The following SLC39A12 variants were observed in gnomAD, a reference collection of about 807,000 sequenced individuals.
The protein encoded by SLC39A12 is solute carrier family 39 member 12.
Under a neutral mutation model 71.1 loss-of-function variants are expected in SLC39A12, and 63 were observed. That is an observed-to-expected ratio of 0.89 (90% confidence interval 0.72 to 1.09). The LOEUF is 1.09. Ranked by LOEUF, SLC39A12 falls within the 50% of genes least tolerant of loss-of-function variation. The probability of loss-of-function intolerance (pLI) is 0.00; values close to 1 mark genes in which losing one functional copy is unlikely to be tolerated. For synonymous variants in SLC39A12, 351 were observed against 301.3 expected (o/e 1.16, Z -1.71); for missense variants, 892 against 812.6 (o/e 1.10, Z -1.19).
At chr10:17,967,851 T>C (rs142870654) in intron 4 of SLC39A12, among the ~76,000 whole-genome samples, 2,049 of 149,548 alleles carry the variant, frequency 0.014, 41 homozygotes, top group African/African-American at 0.044. Context: ...CCCGCCACTG[T>C]ACTCCAGCCT....
At chr10:17,956,525 G>A (rs974726100) in intron 2 of SLC39A12, among the ~76,000 whole-genome samples, 2 of 152,180 alleles carry the variant, frequency 1.3e-5, no homozygotes, top group Non-Finnish European at 2.9e-5. Context: ...CAGAAAGTCA[G>A]ATATAGGAGC....
intron 12 of SLC39A12, among the ~76,000 whole-genome samples, chr10:18,026,257 C>G (rs1015309003): frequency 6.6e-6 from 1 of 151,976 alleles, no homozygotes. Context: ...AAACAAATTC[C>G]CTCTATTTTT....
At chr10:18,007,079 A>G (rs1225294686) in intron 12 of SLC39A12, 1 of 152,280 alleles carries the variant, frequency 6.6e-6, no homozygotes, top group Non-Finnish European at 1.5e-5. Context: ...TAGCCAGCCA[A>G]AATACCACAA....
chr10:18,019,853 G>T (rs1405451846), intron 12 of SLC39A12, among the ~76,000 whole-genome samples: 3 of 152,032 alleles, frequency 2.0e-5, no homozygotes, highest in African/African-American at 7.2e-5. Context: ...TGTTCCACGT[G>T]AGCTGGGGAA....
At chr10:17,970,817 A>G (rs764682359) in intron 4 of SLC39A12, among the ~76,000 whole-genome samples, 9 of 151,942 alleles carry the variant, frequency 5.9e-5, no homozygotes, top group Non-Finnish European at 1.2e-4. Context: ...TGATTGCTGT[A>G]GCTAGGATGT....
intron 3 of SLC39A12, among the ~76,000 whole-genome samples, chr10:17,962,241 AAGG>A (rs1834709615): frequency 6.6e-6 from 1 of 152,228 alleles, no homozygotes; most frequent in African/African-American, 2.4e-5. Context: ...CTGGCTGCGA[AAGG>A]AGAAGGCAGA....
chr10:17,998,444 A>G lies in SLC39A12; in HGVS notation c.1601-2223A>G, dbSNP rs139849844. ...AAGTTTTTTTAAATTTCCTTTCACA[A>G]AGAAGAGCTTTATCTCTGAAAATTG... On this transcript the variant is annotated intron_variant, in intron 10 of 12. Coordinates refer to ENST00000377369, the MANE Select transcript of SLC39A12 (RefSeq NM_001145195.2). Among the ~76,000 whole-genome samples the G allele has an allele frequency of 2.6e-5, 4 of 152,216 alleles. No homozygotes were observed. In the East Asian group the frequency reaches 7.7e-4, roughly 29 times the overall value.
intron 12 of SLC39A12, among the ~76,000 whole-genome samples, chr10:18,004,692 T>C (rs899278067): frequency 4.6e-5 from 7 of 152,186 alleles, no homozygotes; most frequent in African/African-American, 1.7e-4. Flanking sequence ...CTAATTTTGA[T>C]AGTAAAGTGA....
intron 3 of SLC39A12, 75 bp downstream of exon 3, chr10:17,961,937 A>G: frequency 6.9e-7 from 1 of 1,443,656 alleles, no homozygotes; most frequent in African/African-American, 1.4e-5. Flanking sequence ...TTCCTTATTT[A>G]TTTCTAAGAC....
In SLC39A12 at chr10:17,987,559, T is replaced by C. The variant is rs756940915; in HGVS notation, c.1177T>C (p.Cys393Arg). Residue 393 changes from cysteine to arginine, a missense_variant, in exon 7 of 13, where the codon TGT becomes CGT. Physicochemically the swap from Cys to Arg is radical, Grantham distance 180. Transcript: ENST00000377369. ...GACAGCGCTGGTCCTTTTCCATAGCTGTGAGGAGAACTACAGGCTTATCTT... is the reference window on the plus strand; with the variant it reads ...GACAGCGCTGGTCCTTTTCCATAGCCGTGAGGAGAACTACAGGCTTATCTT... ...LGTALVLFHS[C>R]EENYRLILQL... The C allele has an allele frequency of 1.2e-6, 2 of 1,614,126 alleles. No individual in the cohort carries two copies. Among genetic ancestry groups the C allele is most frequent in the Non-Finnish European group, 1.7e-6 (2 of 1,180,026 alleles).
chr10:18,015,433 G>C (rs1366550841), intron 12 of SLC39A12, among the ~76,000 whole-genome samples: 3 of 151,940 alleles, frequency 2.0e-5, no homozygotes, highest in Non-Finnish European at 4.4e-5. Context: ...TTTGATATTA[G>C]GGAGATGTTC....
intron 7 of SLC39A12, among the ~76,000 whole-genome samples, chr10:17,990,680 C>G (rs1835520520): frequency 6.6e-6 from 1 of 152,090 alleles, no homozygotes; most frequent in African/African-American, 2.4e-5. Context: ...CGGTGGATTT[C>G]TTACTTATCT....
At chr10:17,978,429 A>G (rs931950227) in intron 5 of SLC39A12, among the ~76,000 whole-genome samples, 2 of 152,160 alleles carry the variant, frequency 1.3e-5, no homozygotes, top group East Asian at 1.9e-4. Context: ...TATTTTTGCT[A>G]TTATGTATCT....
chr10:17,993,504 G>T (rs922770265), intron 9 of SLC39A12, among the ~76,000 whole-genome samples: 3 of 152,214 alleles, frequency 2.0e-5, no homozygotes, highest in African/African-American at 7.2e-5. Context: ...TCACGTAATT[G>T]CTGTCTGCAT....
chr10:17,956,818 T>A (rs1554847824), intron 2 of SLC39A12, among the ~76,000 whole-genome samples: 1 of 152,200 alleles, frequency 6.6e-6, no homozygotes, highest in Non-Finnish European at 1.5e-5. Flanking sequence ...CAGCTTTGTC[T>A]TATTATCTAA....
intron 4 of SLC39A12, among the ~76,000 whole-genome samples, chr10:17,974,741 T>C (rs1311204315): frequency 1.3e-5 from 2 of 152,158 alleles, no homozygotes; most frequent in Non-Finnish European, 2.9e-5. Context: ...GCACTGGGTC[T>C]CACCCGAGGC....
chr10:18,040,657 T>C (rs1837197063), intron 12 of SLC39A12, among the ~76,000 whole-genome samples: 1 of 151,442 alleles, frequency 6.6e-6, no homozygotes, highest in Non-Finnish European at 1.5e-5. Flanking sequence ...TAGTTCCAGC[T>C]ACTCGGGAGG....
intron 12 of SLC39A12, among the ~76,000 whole-genome samples, chr10:18,020,034 T>C (rs1038443069): frequency 3.9e-5 from 6 of 152,076 alleles, no homozygotes; most frequent in African/African-American, 1.4e-4. Flanking sequence ...TGTGCAAGTA[T>C]GTTACATGGG....
intron 12 of SLC39A12, among the ~76,000 whole-genome samples, chr10:18,030,656 T>G (rs1836820354): frequency 6.6e-6 from 1 of 151,004 alleles, no homozygotes. Flanking sequence ...TTATTTTTAT[T>G]ATACTTTAAG....
Sources: gnomAD v4.1 joint callset for allele counts (sites outside exome capture counted in the v4.1 genomes callset) on GRCh38, gnomAD v4.1.1 for gene constraint, MANE v1.5 for transcripts, NCBI Gene and HGNC (gene_info 2026-07-23, HGNC 2026-07-21) for gene names.